The following TNKS variants were observed in gnomAD, a reference collection of about 807,000 sequenced individuals.
The protein encoded by TNKS is poly [ADP-ribose] polymerase tankyrase-1.
In TNKS, 72 loss-of-function variants were observed where a neutral mutation model predicts 135.8. The ratio of observed to expected loss-of-function variants is 0.53; its 90% CI spans 0.44 to 0.64. The LOEUF (loss-of-function observed/expected upper bound fraction) is 0.64. TNKS is among the 30% of genes least tolerant of loss of function. TNKS has a pLI of 0.00. For synonymous variants in TNKS, 849 were observed against 649.3 expected, an observed-to-expected ratio of 1.31 and a Z score of -4.68; for missense variants, 1,769 against 1,674.0, an observed-to-expected ratio of 1.06 and a Z score of -0.99.
chr8:9,614,071 T>C (rs980395229), intron 2 of TNKS, among the ~76,000 whole-genome samples: 1 of 152,214 alleles, frequency 6.6e-6, no homozygotes, highest in Non-Finnish European at 1.5e-5. Flanking sequence ...GAGATAGTTA[T>C]CAGCTTGCAT....
At chr8:9,729,723 C>G (rs1056437857) in intron 13 of TNKS, among the ~76,000 whole-genome samples, 12 of 149,380 alleles carry the variant, frequency 8.0e-5, no homozygotes, top group African/African-American at 2.9e-4. Context: ...TGTTATCTAT[C>G]AACTTCTTAG....
rs1018850635 is a variant in TNKS, at chr8:9,555,999, C to T, written c.60C>T (p.Pro20=). 1 of 1,613,326 alleles carries T rather than the reference C, an allele frequency of 6.2e-7. No homozygotes were observed. The highest frequency in any genetic ancestry group is 1.1e-5 in the South Asian group (1 of 91,054). The change falls in exon 1 of 27, where the codon CCC becomes CCT. Residue 20 remains proline (P), a synonymous_variant. Transcript: ENST00000310430. ...HHHHHQQQLQ[P]APGASAPPPP... ...ACCATCATCAACAACAGCTCCAGCCCGCCCCAGGGGCTTCAGCGCCGCCGC... is the reference window on the plus strand; with the variant it reads ...ACCATCATCAACAACAGCTCCAGCCTGCCCCAGGGGCTTCAGCGCCGCCGC...
At chr8:9,773,121 T>G (rs999878150) in intron 26 of TNKS, among the ~76,000 whole-genome samples, 9 of 151,780 alleles carry the variant, frequency 5.9e-5, no homozygotes, top group Non-Finnish European at 4.4e-5. Context: ...AAAAGAAGCT[T>G]TTTTTTAACT....
At chr8:9,768,133 A>AAATT (rs1807577772) in intron 25 of TNKS, among the ~76,000 whole-genome samples, 1 of 152,142 alleles carries the variant, frequency 6.6e-6, no homozygotes, top group Non-Finnish European at 1.5e-5. Flanking sequence ...TCGCTCATTA[A>AAATT]AATTAGACAC....
intron 1 of TNKS, among the ~76,000 whole-genome samples, chr8:9,561,766 A>T (rs1045989091): frequency 6.5e-4 from 99 of 152,150 alleles, no homozygotes; most frequent in Non-Finnish European, 2.1e-4. Flanking sequence ...GTTTTATAAG[A>T]AACTGCCAAC....
At chr8:9,680,639 T>C in intron 4 of TNKS, 86 bp from the exon 5 acceptor site, 2 of 884,552 alleles carry the variant, frequency 2.3e-6, no homozygotes, top group Admixed American at 4.1e-5. Flanking sequence ...CAAACCCATA[T>C]TTTACTCTCG....
chr8:9,768,620 C>T (rs1243892931), intron 25 of TNKS, among the ~76,000 whole-genome samples: 1 of 152,260 alleles, frequency 6.6e-6, no homozygotes, highest in Non-Finnish European at 1.5e-5. Flanking sequence ...CACGTCATCT[C>T]CTGCCTCGGC....
chr8:9,766,926 G>A (rs1807484356), intron 25 of TNKS, among the ~76,000 whole-genome samples: 1 of 152,154 alleles, frequency 6.6e-6, no homozygotes, highest in South Asian at 2.1e-4. Flanking sequence ...CAGATAACTA[G>A]GGGTAAAAAC....
chr8:9,581,731 C>T (rs1343532757), intron 2 of TNKS, among the ~76,000 whole-genome samples: 1 of 152,140 alleles, frequency 6.6e-6, no homozygotes, highest in African/African-American at 2.4e-5. Context: ...TTATCCTTTC[C>T]AGGCTTCAGT....
chr8:9,565,152 C>G (rs1014417679), intron 1 of TNKS, among the ~76,000 whole-genome samples: 1 of 152,098 alleles, frequency 6.6e-6, no homozygotes, highest in Non-Finnish European at 1.5e-5. Flanking sequence ...GTTCTCTTCT[C>G]GAATCTTGTT....
intron 3 of TNKS, among the ~76,000 whole-genome samples, chr8:9,661,381 CAG>C (rs1300808498): frequency 6.6e-6 from 1 of 152,174 alleles, no homozygotes; most frequent in Non-Finnish European, 1.5e-5. Flanking sequence ...GGTACCAAAA[CAG>C]AGATAGAGAC....
chr8:9,657,222 CGG>C (rs1801422603), intron 3 of TNKS, among the ~76,000 whole-genome samples: 1 of 127,202 alleles, frequency 7.9e-6, no homozygotes, highest in Non-Finnish European at 1.8e-5. Context: ...CCTCACCTCC[CGG>C]ACGGGGCGGC....
At chr8:9,588,605 A>T (rs1237127869) in intron 2 of TNKS, among the ~76,000 whole-genome samples, 1 of 152,080 alleles carries the variant, frequency 6.6e-6, no homozygotes, top group African/African-American at 2.4e-5. Context: ...TAAAAAGGGG[A>T]ATTTTATTGT....
In TNKS at chr8:9,745,209, G is replaced by A. The variant is rs568607695; in HGVS notation, c.2644-2815G>A. On this transcript the variant is annotated intron_variant, in intron 17 of 26. Transcript: ENST00000310430. Reference sequence around the variant, plus strand: ...GAGATAAATTACTAGGTTTGGTTTTGTTTTAGGTGATTTTGATAATACCAC... The same window carrying A: ...GAGATAAATTACTAGGTTTGGTTTTATTTTAGGTGATTTTGATAATACCAC... Among the ~76,000 whole-genome samples, 4 of 152,194 alleles carry A rather than the reference G, an allele frequency of 2.6e-5. No individual in the cohort carries two copies. The South Asian group carries it at 8.3e-4, about 32-fold the overall frequency.
intron 3 of TNKS, among the ~76,000 whole-genome samples, chr8:9,627,091 G>T (rs1563126953): frequency 6.6e-6 from 1 of 152,138 alleles, no homozygotes; most frequent in South Asian, 2.1e-4. Context: ...AGTTTAATCA[G>T]TTGTGCCTAT....
intron 2 of TNKS, 56 bp from the exon 3 acceptor site, chr8:9,615,526 A>T: frequency 7.1e-7 from 1 of 1,416,800 alleles, no homozygotes; most frequent in Non-Finnish European, 9.8e-7. Flanking sequence ...GACACTTACC[A>T]GTAAATAATC....
chr8:9,649,892 T>C (rs1427846875), intron 3 of TNKS, among the ~76,000 whole-genome samples: 3 of 98,688 alleles, frequency 3.0e-5, no homozygotes, highest in Non-Finnish European at 6.3e-5. Context: ...TTTTTTTTTT[T>C]TTTTTTTTTT....
chr8:9,751,157 A>T (rs1806510480), intron 18 of TNKS, among the ~76,000 whole-genome samples: 1 of 152,198 alleles, frequency 6.6e-6, no homozygotes, highest in Non-Finnish European at 1.5e-5. Flanking sequence ...CATACTCGAA[A>T]AGCAGTTGCA....
chr8:9,572,462 A>G (rs1020598469), intron 1 of TNKS, among the ~76,000 whole-genome samples: 22 of 152,142 alleles, frequency 1.4e-4, no homozygotes, highest in African/African-American at 4.8e-4. Context: ...TTATTTCTAC[A>G]ATATTTCCTC....
Sources: allele counts gnomAD v4.1 joint callset (sites outside exome capture counted in the v4.1 genomes callset), GRCh38; gene constraint gnomAD v4.1.1; transcripts MANE v1.5; gene names NCBI Gene and HGNC (gene_info 2026-07-23, HGNC 2026-07-21).